MSR1: variants seen among roughly 807,000 people sequenced by gnomAD.
MSR1 encodes the protein macrophage scavenger receptor 1.
In MSR1, 53 loss-of-function variants were observed where a neutral mutation model predicts 47.2. The ratio of observed to expected loss-of-function variants is 1.12; its 90% CI spans 0.90 to 1.41. The LOEUF is 1.41. MSR1 is among the 40% of genes most tolerant of loss of function. MSR1 has a pLI of 0.00. For synonymous variants in MSR1, 239 were observed against 185.6 expected (o/e 1.29, Z -2.34); for missense variants, 786 against 546.9 (o/e 1.44, Z -4.36).
At chr8:16,167,135 G>C (rs2117177939) in intron 4 of MSR1, among the ~76,000 whole-genome samples, 1 of 152,260 alleles carries the variant, frequency 6.6e-6, no homozygotes, top group Non-Finnish European at 1.5e-5. Context: ...ACAGCTCACT[G>C]ATCACCAGAT....
intron 8 of MSR1, chr8:16,140,593 T>G (rs1800529353): frequency 1.9e-6 from 2 of 1,076,508 alleles, no homozygotes; most frequent in East Asian, 1.4e-4. Context: ...TTTGCTTGAC[T>G]GAAACATCAC....
chr8:16,129,200 T>G lies in MSR1; in HGVS notation c.1034-8594A>C, dbSNP rs994201422. On this transcript the variant is annotated intron_variant, in intron 8 of 9. Coordinates refer to ENST00000262101, the MANE Select transcript of MSR1 (RefSeq NM_138715.3). Reference sequence around the variant, plus strand: ...TAAAAATGCAGAATTATATAAAACGTCATTAGGAAATGGGTCATTTTGCTA... The same window carrying G: ...TAAAAATGCAGAATTATATAAAACGGCATTAGGAAATGGGTCATTTTGCTA... 9.9e-5 allele frequency among the ~76,000 whole-genome samples: 15 copies of G among 152,184 alleles called. 1 individual carries two copies. The highest frequency in any genetic ancestry group is 1.9e-4 in the Non-Finnish European group (13 of 68,034).
Position 16,168,497 on chromosome 8 carries a change from C to G in MSR1, c.591G>C (p.Leu197=), listed in dbSNP as rs142068602. 4.7e-4 allele frequency: 756 copies of G among 1,614,088 alleles called. 3 individuals are homozygous for G. The African/African-American group carries it at 8.8e-3, about 19-fold the overall frequency. The part of the protein sequence containing the change: ...LLDLQLNIEN[L]NGKIQENTFK... ...AGGTATTCTCTTGGATTTTGCCATT[C>G]AGATTTTCTATGTTGAGCTGCAAAT... is the stretch of plus-strand genomic sequence containing the variant. Residue 197 remains leucine (L), a synonymous_variant, in exon 4 of 10, where the codon CTG becomes CTC. Transcript: ENST00000262101.
chr8:16,147,048 G>C (rs1800718630), intron 7 of MSR1, among the ~76,000 whole-genome samples: 1 of 152,110 alleles, frequency 6.6e-6, no homozygotes, highest in Non-Finnish European at 1.5e-5. Context: ...TGGACTTCAA[G>C]AGGCAAAACA....
chr8:16,144,502 C>T (rs1435026744), intron 7 of MSR1, among the ~76,000 whole-genome samples: 1 of 152,060 alleles, frequency 6.6e-6, no homozygotes, highest in African/African-American at 2.4e-5. Flanking sequence ...GAACCTTCAA[C>T]CTTTTCATCC....
intron 8 of MSR1, among the ~76,000 whole-genome samples, chr8:16,136,803 A>G (rs930534235): frequency 2.0e-5 from 3 of 152,074 alleles, no homozygotes; most frequent in African/African-American, 7.2e-5. Flanking sequence ...GGGTTTCACC[A>G]TGTTGGCCAG....
intron 8 of MSR1, among the ~76,000 whole-genome samples, chr8:16,123,309 T>A (rs75505695): frequency 0.032 from 4,897 of 152,234 alleles, 167 homozygotes; most frequent in East Asian, 0.12. Context: ...AATAGGTCAG[T>A]AGACTCATTT....
At chr8:16,139,333 C>A in intron 8 of MSR1, 1 of 974,468 alleles carries the variant, frequency 1.0e-6, no homozygotes, top group Non-Finnish European at 1.2e-6. Flanking sequence ...CTTTAAAGGA[C>A]TTTATGATTT....
intron 8 of MSR1, chr8:16,140,236 C>T (rs1011537863): frequency 4.6e-5 from 45 of 983,828 alleles, no homozygotes; most frequent in Admixed American, 4.3e-4. Flanking sequence ...TAGGTGAATG[C>T]GTGTAGTCCA....
chr8:16,177,050 C>A (rs967095332), intron 2 of MSR1, among the ~76,000 whole-genome samples: 1 of 152,152 alleles, frequency 6.6e-6, no homozygotes, highest in African/African-American at 2.4e-5. Flanking sequence ...GTAACTTTCT[C>A]CTGACATCTT....
intron 5 of MSR1, among the ~76,000 whole-genome samples, chr8:16,157,400 T>A (rs1563157139): frequency 6.6e-6 from 1 of 151,946 alleles, no homozygotes; most frequent in African/African-American, 2.4e-5. Context: ...GATCCCTCTC[T>A]GTATTTTTAT....
At chr8:16,177,057 T>A (rs565601420) in intron 2 of MSR1, among the ~76,000 whole-genome samples, 1 of 152,326 alleles carries the variant, frequency 6.6e-6, no homozygotes, top group Non-Finnish European at 1.5e-5. Flanking sequence ...TCTCCTGACA[T>A]CTTAAATGAT....
chr8:16,135,206 G>A (rs1434441180), intron 8 of MSR1, among the ~76,000 whole-genome samples: 1 of 152,152 alleles, frequency 6.6e-6, no homozygotes, highest in African/African-American at 2.4e-5. Context: ...TTCATACTTA[G>A]AGAGGAGTTC....
At chr8:16,169,818 G>A (rs1193422021) in intron 3 of MSR1, among the ~76,000 whole-genome samples, 3 of 151,728 alleles carry the variant, frequency 2.0e-5, no homozygotes, top group African/African-American at 7.3e-5. Flanking sequence ...GCTGCATTTA[G>A]TTTGCCTCTG....
At chr8:16,121,130 A>T (rs1489187215) in intron 8 of MSR1, 1 of 434,394 alleles carries the variant, frequency 2.3e-6, no homozygotes, top group Non-Finnish European at 4.6e-6. Context: ...TATAGTGACA[A>T]CCTTCATTTA....
chr8:16,156,813 T>C (rs1801023884), intron 5 of MSR1, among the ~76,000 whole-genome samples: 1 of 151,904 alleles, frequency 6.6e-6, no homozygotes, highest in Non-Finnish European at 1.5e-5. Flanking sequence ...GAGACATATA[T>C]TTAAATGCTG....
rs1473869794 is a variant in MSR1, at chr8:16,108,501, T to C, written c.*1584A>G. The C allele has an allele frequency of 6.6e-6, 1 of 152,064 alleles. No individual in the cohort carries two copies. Among genetic ancestry groups the C allele is most frequent in the African/African-American group, 2.4e-5 (1 of 41,434 alleles). The allele number at this position is 152,064 out of a possible 1,614,324, so 9.4% of individuals were successfully genotyped here. A position where few individuals can be genotyped will look rare whatever the true frequency, so the allele number is the denominator to read the frequency against. ...CCAAACAGGCTGATAATGCAAATGATTCTTTCAGAAACCATTGTATTTACC... is the reference window on the plus strand; with the variant it reads ...CCAAACAGGCTGATAATGCAAATGACTCTTTCAGAAACCATTGTATTTACC... On this transcript the variant is annotated 3_prime_UTR_variant, in exon 10 of 10. Transcript: ENST00000262101.
chr8:16,121,013 G>T (rs748971933), intron 8 of MSR1: 14 of 307,700 alleles, frequency 4.5e-5, no homozygotes, highest in Non-Finnish European at 8.2e-5. Flanking sequence ...ATACAATGCA[G>T]AGATTTTCAA....
chr8:16,179,646 G>C (rs1801766296), intron 1 of MSR1, among the ~76,000 whole-genome samples: 1 of 152,048 alleles, frequency 6.6e-6, no homozygotes, highest in African/African-American at 2.4e-5. Context: ...TTGGGAGGCT[G>C]AGATGGGTGA....
Sources: allele counts gnomAD v4.1 joint callset (sites outside exome capture counted in the v4.1 genomes callset), GRCh38; gene constraint gnomAD v4.1.1; transcripts MANE v1.5; gene names NCBI Gene and HGNC (gene_info 2026-07-23, HGNC 2026-07-21).